The following CLIP2 variants were observed in gnomAD, a reference collection of about 807,000 sequenced individuals.
CLIP2 encodes CAP-Gly domain-containing linker protein 2.
In CLIP2, 41 loss-of-function variants were observed where a neutral mutation model predicts 111.7. The ratio of observed to expected loss-of-function variants is 0.37; its 90% CI spans 0.29 to 0.48. The LOEUF is 0.48. CLIP2 is among the 20% of genes least tolerant of loss of function. The pLI, the probability that CLIP2 is intolerant of heterozygous loss-of-function variation, is 0.99. For synonymous variants in CLIP2, 660 were observed against 644.2 expected, an observed-to-expected ratio of 1.02 and a Z score of -0.37; for missense variants, 1,160 against 1,422.1, an observed-to-expected ratio of 0.82 and a Z score of 2.96.
intron 7 of CLIP2, 59 bp downstream of exon 7, chr7:74,360,337 G>C (rs782315431): frequency 2.3e-6 from 3 of 1,323,914 alleles, no homozygotes; most frequent in Non-Finnish European, 3.2e-6. Context: ...ATGAGGAAGA[G>C]GGCAGGCTTG....
intron 2 of CLIP2, among the ~76,000 whole-genome samples, chr7:74,333,163 A>T (rs782594417): frequency 6.6e-6 from 1 of 152,098 alleles, no homozygotes; most frequent in Non-Finnish European, 1.5e-5. Context: ...CTGGGGAATA[A>T]ATCAACTGCA....
intron 2 of CLIP2, among the ~76,000 whole-genome samples, chr7:74,322,756 G>A (rs1321857197): frequency 2.6e-5 from 4 of 151,988 alleles, no homozygotes; most frequent in Non-Finnish European, 5.9e-5. Context: ...TTTTGAGATG[G>A]AGTCTCGCTC....
intron 8 of CLIP2, among the ~76,000 whole-genome samples, chr7:74,369,493 T>G (rs1790546439): frequency 6.6e-6 from 1 of 150,436 alleles, no homozygotes; most frequent in African/African-American, 2.5e-5. Context: ...CAGTGAGCTA[T>G]GATGGCGCCA....
intron 1 of CLIP2, among the ~76,000 whole-genome samples, chr7:74,299,166 T>C (rs1788253256): frequency 6.6e-6 from 1 of 151,910 alleles, no homozygotes; most frequent in South Asian, 2.1e-4. Flanking sequence ...ACCCTGTCTC[T>C]ATAAAAAATA....
At chr7:74,332,486 T>C (rs1270385558) in intron 2 of CLIP2, among the ~76,000 whole-genome samples, 4 of 87,758 alleles carry the variant, frequency 4.6e-5, no homozygotes, top group Non-Finnish European at 8.0e-5. Flanking sequence ...TTTTTAGAGA[T>C]GGGGTCTTGC....
At chr7:74,340,265 G>C (rs514955) in intron 3 of CLIP2, among the ~76,000 whole-genome samples, 2 of 151,744 alleles carry the variant, frequency 1.3e-5, no homozygotes, top group African/African-American at 4.8e-5. Flanking sequence ...CTGTGATGGC[G>C]TGTGCCTATA....
intron 13 of CLIP2, among the ~76,000 whole-genome samples, chr7:74,394,636 T>G (rs1488668088): frequency 6.6e-6 from 1 of 152,238 alleles, no homozygotes; most frequent in Non-Finnish European, 1.5e-5. Flanking sequence ...TCTCCTTTCC[T>G]TCTATACAGA....
intron 3 of CLIP2, among the ~76,000 whole-genome samples, chr7:74,348,042 T>A (rs1444493386): frequency 1.3e-5 from 2 of 151,726 alleles, no homozygotes; most frequent in Non-Finnish European, 2.9e-5. Flanking sequence ...TAGCTGGGCG[T>A]GGTGGCAGGT....
Position 74,356,590 on chromosome 7 carries a change from C to T in CLIP2, c.984C>T (p.Ser328=). 1.9e-6 allele frequency: 3 copies of T among 1,614,150 alleles called. No individual in the cohort carries two copies. The highest frequency in any genetic ancestry group is 2.5e-6 in the Non-Finnish European group (3 of 1,180,020). The change falls in exon 5 of 17, where the codon TCC becomes TCT. Residue 328 remains serine (S), a synonymous_variant. Coordinates refer to ENST00000223398, the MANE Select transcript of CLIP2 (RefSeq NM_003388.5). ...TCAGCTCCGTCAGCTCTGTGGCCTCCTCCGTGGGGGGTCGGCCCAGCCGCA... is the reference window on the plus strand; with the variant it reads ...TCAGCTCCGTCAGCTCTGTGGCCTCTTCCGTGGGGGGTCGGCCCAGCCGCA... The part of the protein sequence containing the change: ...SSISSVSSVA[S]SVGGRPSRSG...
intron 2 of CLIP2, among the ~76,000 whole-genome samples, chr7:74,321,446 C>G (rs189527221): frequency 6.6e-6 from 1 of 151,918 alleles, no homozygotes; most frequent in East Asian, 1.9e-4. Context: ...CATGTTGCAG[C>G]GCAATTACTT....
At chr7:74,385,790 T>C (rs1403401908) in intron 11 of CLIP2, among the ~76,000 whole-genome samples, 1 of 148,770 alleles carries the variant, frequency 6.7e-6, no homozygotes, top group Non-Finnish European at 1.5e-5. Flanking sequence ...TTGCCCAGGC[T>C]GGAGTGCGAT....
chr7:74,385,122 C>CAAAAAAAAA (rs71094780), intron 11 of CLIP2, among the ~76,000 whole-genome samples: 29 of 51,232 alleles, frequency 5.7e-4, no homozygotes, highest in African/African-American at 1.1e-3. Flanking sequence ...ATTAAAAATA[C>CAAAAAAAAA]AAAAAAAAAA....
intron 9 of CLIP2, among the ~76,000 whole-genome samples, chr7:74,375,360 G>A (rs1790744112): frequency 1.3e-5 from 2 of 151,606 alleles, no homozygotes; most frequent in Non-Finnish European, 2.9e-5. Context: ...ACCAGCCTAG[G>A]CAAAAGAGTG....
chr7:74,302,059 G>A (rs551488920), intron 1 of CLIP2, among the ~76,000 whole-genome samples: 10 of 152,176 alleles, frequency 6.6e-5, no homozygotes, highest in South Asian at 2.1e-4. Flanking sequence ...TATTTTCAGC[G>A]TTGGACCTTT....
In CLIP2 at chr7:74,389,146, C is replaced by A; in HGVS notation, c.2607C>A (p.Ala869=). Residue 869 remains alanine (A), a synonymous_variant, in exon 13 of 17, where the codon GCC becomes GCA. Transcript: ENST00000223398. Reference sequence around the variant, plus strand: ...AGTCAGGCGAGAAGAAGGTGGACGCCCTCCTGAAGGAGAAGCGGCGCCTGG... The same window carrying A: ...AGTCAGGCGAGAAGAAGGTGGACGCACTCCTGAAGGAGAAGCGGCGCCTGG... The part of the protein sequence containing the change: ...KCKSGEKKVD[A]LLKEKRRLEA... 6.2e-7 allele frequency: 1 copy of A among 1,613,584 alleles called. No individual in the cohort carries two copies. The highest frequency in any genetic ancestry group is 8.5e-7 in the Non-Finnish European group (1 of 1,179,896).
At chr7:74,326,333 C>T (rs529794569) in intron 2 of CLIP2, among the ~76,000 whole-genome samples, 16 of 152,320 alleles carry the variant, frequency 1.1e-4, no homozygotes, top group African/African-American at 3.8e-4. Flanking sequence ...AGACTGAGCG[C>T]CTGCTGCCTC....
chr7:74,321,716 C>G (rs1195760649), intron 2 of CLIP2, among the ~76,000 whole-genome samples: 1 of 151,918 alleles, frequency 6.6e-6, no homozygotes, highest in African/African-American at 2.4e-5. Context: ...GATCCCCCCG[C>G]CTTGGCCCCC....
At chr7:74,380,704 T>G in intron 10 of CLIP2, 102 bp from the exon 11 acceptor site, 1 of 896,026 alleles carries the variant, frequency 1.1e-6, no homozygotes, top group Non-Finnish European at 1.7e-6. Flanking sequence ...TCCCCCTTTG[T>G]AGGAGTAGGG....
chr7:74,292,553 A>G (rs1014135134), intron 1 of CLIP2, among the ~76,000 whole-genome samples: 2 of 151,780 alleles, frequency 1.3e-5, no homozygotes, highest in Non-Finnish European at 2.9e-5. Context: ...AGACTGGCTA[A>G]TTTTTTGTAG....
Sources: gnomAD v4.1 joint callset for allele counts (sites outside exome capture counted in the v4.1 genomes callset) on GRCh38, gnomAD v4.1.1 for gene constraint, MANE v1.5 for transcripts, NCBI Gene and HGNC (gene_info 2026-07-23, HGNC 2026-07-21) for gene names.